Variants in DNAI7 observed in about 807,000 individuals in gnomAD.
The protein encoded by DNAI7 is dynein axonemal intermediate chain 7.
DNAI7 carries 78 observed loss-of-function variants against 86.6 expected under a neutral mutation model. That is an observed-to-expected ratio of 0.90 (90% CI 0.75 to 1.09). The LOEUF is 1.09. Ranked by LOEUF, DNAI7 falls within the 50% of genes least tolerant of loss-of-function variation. The pLI is 0.00. For missense variants in DNAI7, 753 were observed against 810.2 expected (o/e 0.93, Z 0.86); for synonymous variants, 274 against 273.0 (o/e 1.00, Z -0.04).
rs376845180 is a variant in DNAI7 at position 25,148,446 on chromosome 12, G to T, written c.585+1182C>A. ...GCAAAGTACATTTTCCCCAATCTGA[G>T]GTCAAATACTTTGGCACTAGAAGAA... On this transcript the variant is annotated intron_variant, in intron 7 of 15. Coordinates refer to ENST00000395987, the MANE Select transcript of DNAI7 (RefSeq NM_018272.5). Among the ~76,000 whole-genome samples the T allele has an allele frequency of 1.2e-4, 18 of 152,268 alleles. No individual in the cohort carries two copies. In the East Asian group the frequency reaches 1.3e-3, roughly 11 times the overall value.
At chr12:25,176,557 A>T (rs1357961624) in intron 2 of DNAI7, among the ~76,000 whole-genome samples, 1 of 151,952 alleles carries the variant, frequency 6.6e-6, no homozygotes, top group Non-Finnish European at 1.5e-5. Flanking sequence ...GATTAATTCT[A>T]TTTTTATTTT....
intron 9 of DNAI7, among the ~76,000 whole-genome samples, chr12:25,124,032 T>TTGTGTGTGTG (rs57454187): frequency 0.032 from 4,630 of 144,614 alleles, 123 homozygotes; most frequent in Non-Finnish European, 0.035. Flanking sequence ...AGTATAAAAA[T>TTGTGTGTGTG]TGTGTGTGTG....
At chr12:25,144,309 A>G in intron 9 of DNAI7, 56 bp downstream of exon 9, 2 of 1,401,818 alleles carry the variant, frequency 1.4e-6, no homozygotes, top group East Asian at 2.3e-5. Flanking sequence ...CTTTAAGGGA[A>G]TCTAATAACG....
At chr12:25,147,389 T>C (rs1308828433) in intron 7 of DNAI7, among the ~76,000 whole-genome samples, 1 of 152,126 alleles carries the variant, frequency 6.6e-6, no homozygotes, top group African/African-American at 2.4e-5. Flanking sequence ...AGGTGGCTCA[T>C]ACCTGTAATC....
chr12:25,181,761 A>T (rs533660758), intron 2 of DNAI7, among the ~76,000 whole-genome samples: 2 of 152,188 alleles, frequency 1.3e-5, no homozygotes, highest in Non-Finnish European at 2.9e-5. Flanking sequence ...AAGTGGCAAC[A>T]CACATGAACA....
chr12:25,145,344 A>T (rs959838362), intron 8 of DNAI7, among the ~76,000 whole-genome samples: 1 of 152,146 alleles, frequency 6.6e-6, no homozygotes, highest in African/African-American at 2.4e-5. Context: ...AGAACTCATC[A>T]TCCTTACAAC....
chr12:25,125,620 C>T (rs1009610239), intron 9 of DNAI7, among the ~76,000 whole-genome samples: 1 of 152,134 alleles, frequency 6.6e-6, no homozygotes, highest in African/African-American at 2.4e-5. Flanking sequence ...TAATTAGATG[C>T]CACTTAATCA....
chr12:25,125,649 A>G (rs982490384), intron 9 of DNAI7, among the ~76,000 whole-genome samples: 4 of 152,088 alleles, frequency 2.6e-5, no homozygotes, highest in African/African-American at 9.7e-5. Flanking sequence ...TTTTGTTGCA[A>G]TTGCGTTTGG....
At chr12:25,143,744 T>C (rs922753225) in intron 9 of DNAI7, among the ~76,000 whole-genome samples, 2 of 152,176 alleles carry the variant, frequency 1.3e-5, no homozygotes, top group Admixed American at 6.5e-5. Flanking sequence ...AACATGCAAA[T>C]AGGCTATTAA....
chr12:25,151,393 A>G (rs1004764929), intron 6 of DNAI7, among the ~76,000 whole-genome samples: 2 of 152,298 alleles, frequency 1.3e-5, no homozygotes, highest in Admixed American at 1.3e-4. Flanking sequence ...TGTTACTGCT[A>G]TCCAACTCCA....
chr12:25,114,897 C>T (rs917369463), intron 12 of DNAI7, 27 bp from the exon 13 acceptor site: 1 of 1,521,376 alleles, frequency 6.6e-7, no homozygotes, highest in African/African-American at 1.4e-5. Flanking sequence ...GAAAGTGACA[C>T]TAGTTTCATT....
At chr12:25,170,817 C>T (rs950527123) in intron 2 of DNAI7, among the ~76,000 whole-genome samples, 5 of 152,140 alleles carry the variant, frequency 3.3e-5, no homozygotes, top group African/African-American at 1.2e-4. Context: ...GAAATCAACT[C>T]CAAAAGAAAT....
At chr12:25,191,571 G>C (rs1421014265) in intron 1 of DNAI7, among the ~76,000 whole-genome samples, 7 of 152,090 alleles carry the variant, frequency 4.6e-5, no homozygotes, top group Admixed American at 2.0e-4. Context: ...GGGCATGGTG[G>C]CATGTGTCTG....
intron 15 of DNAI7, 122 bp from the exon 16 acceptor site, chr12:25,108,945 A>T: frequency 1.7e-6 from 1 of 602,406 alleles, no homozygotes. Flanking sequence ...TAAAAGAAAC[A>T]GTCTATGTGT....
Position 25,108,310 on chromosome 12 carries a change from G to T in DNAI7, c.*238C>A, listed in dbSNP as rs1949367249. On this transcript the variant is annotated 3_prime_UTR_variant, in exon 16 of 16. Coordinates refer to ENST00000395987, the MANE Select transcript of DNAI7 (RefSeq NM_018272.5). ...TATATATTGTTTGTTAAAGTTTATT[G>T]AAATAAAGAATCATTTAAATCTTCA... 1 of 541,428 alleles carries T rather than the reference G, an allele frequency of 1.8e-6. No homozygotes were observed. The highest frequency in any genetic ancestry group is 3.1e-6 in the Non-Finnish European group (1 of 318,930). 33.5% of individuals were successfully genotyped at this position (541,428 alleles called of 1,614,324 possible).
chr12:25,120,656 C>T (rs1374936242), intron 11 of DNAI7, among the ~76,000 whole-genome samples: 1 of 151,992 alleles, frequency 6.6e-6, no homozygotes, highest in Non-Finnish European at 1.5e-5. Flanking sequence ...ACCCGGGAGG[C>T]GGAGCTTGCA....
At chr12:25,118,190 T>C (rs1940561509) in intron 12 of DNAI7, among the ~76,000 whole-genome samples, 1 of 151,930 alleles carries the variant, frequency 6.6e-6, no homozygotes, top group African/African-American at 2.4e-5. Context: ...GCCTTGGCAC[T>C]CCAAAGTGCT....
At chr12:25,116,437 G>A (rs575720024) in intron 12 of DNAI7, among the ~76,000 whole-genome samples, 32 of 152,120 alleles carry the variant, frequency 2.1e-4, no homozygotes, top group Non-Finnish European at 3.8e-4. Context: ...AATTACTGAA[G>A]TTGTAGAGTG....
At chr12:25,185,767 T>C (rs974259710) in intron 2 of DNAI7, 3 of 984,018 alleles carry the variant, frequency 3.0e-6, no homozygotes, top group Non-Finnish European at 3.6e-6. Flanking sequence ...CACTGAAGCC[T>C]GTTTGTGATG....
Sources: gnomAD v4.1 joint callset for allele counts (sites outside exome capture counted in the v4.1 genomes callset) on GRCh38, gnomAD v4.1.1 for gene constraint, MANE v1.5 for transcripts, NCBI Gene and HGNC (gene_info 2026-07-23, HGNC 2026-07-21) for gene names.